RTL4: variants seen among roughly 807,000 people sequenced by gnomAD.
The protein encoded by RTL4 is retrotransposon Gag-like protein 4.
A neutral mutation model predicts 5.3 loss-of-function variants in RTL4; 4 were observed. That is an observed-to-expected ratio of 0.75 (90% CI 0.37 to 1.72). RTL4 has a LOEUF of 1.72. Ranked by LOEUF, RTL4 falls within the 40% of genes most tolerant of loss-of-function variation. RTL4 has a pLI of 0.04. For missense variants in RTL4, 260 were observed against 227.1 expected (o/e 1.14, Z -0.93); for synonymous variants, 98 against 87.3 (o/e 1.12, Z -0.68).
At chrX:112,451,360 G>A (rs937711847), upstream of RTL4, among the ~76,000 whole-genome samples, 1 of 110,723 alleles carries the variant, frequency 9.0e-6, no homozygotes, top group Admixed American at 9.6e-5. Flanking sequence ...ATAGCCAGGC[G>A]AGGTGGTATG....
At chrX:112,415,612 G>A in the RTL4 span, among the ~76,000 whole-genome samples, 65 of 111,043 alleles carry the variant, frequency 5.9e-4, no homozygotes, top group African/African-American at 2.0e-3. Flanking sequence ...CGCAGGGTAT[G>A]CATGTGTGAA....
chrX:112,174,392 C>G, the RTL4 span, among the ~76,000 whole-genome samples: 2 of 100,856 alleles, frequency 2.0e-5, no homozygotes, highest in Non-Finnish European at 4.0e-5. Context: ...TCATCCATGT[C>G]CCTACAAAGG....
At chrX:112,410,157 G>T in the RTL4 span, among the ~76,000 whole-genome samples, 1 of 111,901 alleles carries the variant, frequency 8.9e-6, no homozygotes, top group Non-Finnish European at 1.9e-5. Flanking sequence ...TGATAAAGGG[G>T]TCGATTCAGC....
the RTL4 span, among the ~76,000 whole-genome samples, chrX:112,332,795 C>T: frequency 2.7e-5 from 3 of 110,279 alleles, no homozygotes; most frequent in Admixed American, 9.7e-5. Flanking sequence ...CGGACCTGCA[C>T]ATTGTGAACA....
chrX:112,303,103 T>C, the RTL4 span, among the ~76,000 whole-genome samples: 1 of 111,681 alleles, frequency 9.0e-6, no homozygotes, highest in Admixed American at 9.5e-5. Context: ...TTCAAGTGCC[T>C]AGGGACACTA....
At chrX:112,434,318 C>A in the RTL4 span, among the ~76,000 whole-genome samples, 5 of 109,734 alleles carry the variant, frequency 4.6e-5, no homozygotes, top group African/African-American at 1.7e-4. Context: ...GTACCAGTTC[C>A]TCCTTGTACC....
chrX:112,341,556 A>G, the RTL4 span, among the ~76,000 whole-genome samples: 4,553 of 111,595 alleles, frequency 0.041, 248 homozygotes, highest in African/African-American at 0.14. Context: ...TGTATCATCA[A>G]TTTGGTAGTT....
At chrX:112,329,124 C>G in the RTL4 span, among the ~76,000 whole-genome samples, 1 of 110,420 alleles carries the variant, frequency 9.1e-6, no homozygotes, top group Non-Finnish European at 1.9e-5. Flanking sequence ...CAAACACATT[C>G]AAAAGCTAGC....
chrX:112,083,993 G>A, the RTL4 span, among the ~76,000 whole-genome samples: 1 of 110,329 alleles, frequency 9.1e-6, no homozygotes, highest in Non-Finnish European at 1.9e-5. Context: ...TCTGGACGCC[G>A]GGCTGGTACC....
chrX:112,273,256 AT>A, the RTL4 span, among the ~76,000 whole-genome samples: 491 of 99,622 alleles, frequency 4.9e-3, 1 homozygote, highest in African/African-American at 7.7e-3. Flanking sequence ...AGAGTTGATG[AT>A]TTTTTTTTTT....
the RTL4 span, among the ~76,000 whole-genome samples, chrX:112,235,958 C>T: frequency 6.3e-5 from 7 of 111,400 alleles, no homozygotes; most frequent in Non-Finnish European, 1.1e-4. Context: ...CTCATAAGTA[C>T]TCATGTGGAC....
At chrX:112,352,500 A>G in the RTL4 span, among the ~76,000 whole-genome samples, 1 of 111,183 alleles carries the variant, frequency 9.0e-6, no homozygotes, top group Admixed American at 9.6e-5. Flanking sequence ...TCAATGGAAC[A>G]TAACAGAGCC....
the RTL4 span, among the ~76,000 whole-genome samples, chrX:112,188,745 A>G: frequency 1.8e-5 from 2 of 110,769 alleles, no homozygotes; most frequent in Non-Finnish European, 3.8e-5. Context: ...CTCAAAAAAA[A>G]CTAAATCCTC....
chrX:112,176,813 C>A, the RTL4 span, among the ~76,000 whole-genome samples: 2 of 110,819 alleles, frequency 1.8e-5, no homozygotes, highest in Non-Finnish European at 3.8e-5. Flanking sequence ...TATCCAACTT[C>A]TCTTCATCCC....
At chrX:112,083,053 G>A in the RTL4 span, among the ~76,000 whole-genome samples, 1 of 110,012 alleles carries the variant, frequency 9.1e-6, no homozygotes, top group East Asian at 2.9e-4. Context: ...GTGGAAGGAA[G>A]CCGCAGCCGC....
At chrX:112,383,625 G>A in the RTL4 span, among the ~76,000 whole-genome samples, 2 of 111,715 alleles carry the variant, frequency 1.8e-5, no homozygotes, top group Non-Finnish European at 3.8e-5. Flanking sequence ...ACTGGATAAA[G>A]AAAATATACA....
chrX:112,305,825 G>T, the RTL4 span, among the ~76,000 whole-genome samples: 2 of 112,127 alleles, frequency 1.8e-5, no homozygotes, highest in Non-Finnish European at 3.8e-5. Flanking sequence ...GTCATGTGCT[G>T]CCTTCTTTGC....
chrX:112,222,514 G>C, the RTL4 span, among the ~76,000 whole-genome samples: 16 of 110,492 alleles, frequency 1.4e-4, no homozygotes, highest in African/African-American at 5.3e-4. Context: ...GATCTCTTGA[G>C]CACAGAAGTT....
At chrX:112,166,287 C>A in the RTL4 span, among the ~76,000 whole-genome samples, 4 of 111,486 alleles carry the variant, frequency 3.6e-5, no homozygotes, top group African/African-American at 1.3e-4. Flanking sequence ...CTAGAAATAC[C>A]ATGCTTTTAA....
Sources: allele counts gnomAD v4.1 joint callset (sites outside exome capture counted in the v4.1 genomes callset), GRCh38; gene constraint gnomAD v4.1.1; transcripts MANE v1.5; gene names NCBI Gene and HGNC (gene_info 2026-07-23, HGNC 2026-07-21).